Variants in KIF6 observed in about 807,000 individuals in gnomAD.
KIF6 encodes the protein kinesin-like protein KIF6.
Under a neutral mutation model 112.7 loss-of-function variants are expected in KIF6, and 106 were observed. The observed-to-expected ratio is 0.94, with a 90% CI of 0.80 to 1.11. KIF6 has a LOEUF of 1.11. Among genes scored for constraint, KIF6 ranks in the 50% least tolerant of loss-of-function variants. The pLI, the probability that KIF6 is intolerant of heterozygous loss-of-function variation, is 0.00. For missense variants in KIF6, 929 were observed against 964.0 expected, an observed-to-expected ratio of 0.96 and a Z score of 0.48; for synonymous variants, 339 against 339.9, an observed-to-expected ratio of 1.00 and a Z score of 0.03.
At chr6:39,398,846 G>C (rs1354617364) in intron 15 of KIF6, among the ~76,000 whole-genome samples, 2 of 152,186 alleles carry the variant, frequency 1.3e-5, no homozygotes, top group African/African-American at 4.8e-5. Flanking sequence ...AAGCGTATAG[G>C]CTACAGTGCT....
At chr6:39,623,785 A>G (rs1187084535) in intron 5 of KIF6, among the ~76,000 whole-genome samples, 3 of 152,190 alleles carry the variant, frequency 2.0e-5, no homozygotes, top group Non-Finnish European at 4.4e-5. Flanking sequence ...GAAGTTCCAG[A>G]GCAGGGAGAT....
intron 13 of KIF6, among the ~76,000 whole-genome samples, chr6:39,502,857 GACCTACCAAGA>G (rs1279609916): frequency 6.6e-6 from 1 of 152,120 alleles, no homozygotes; most frequent in African/African-American, 2.4e-5. Context: ...AGTTCTTAGA[GACCTACCAAGA>G]GACTTGGGCT....
intron 3 of KIF6, among the ~76,000 whole-genome samples, chr6:39,641,942 G>C (rs1368256546): frequency 6.6e-6 from 1 of 152,050 alleles, no homozygotes; most frequent in Non-Finnish European, 1.5e-5. Context: ...GGTAAGGCTT[G>C]ACCTATATAT....
At chr6:39,384,132 T>C (rs147679104) in intron 16 of KIF6, among the ~76,000 whole-genome samples, 40 of 152,354 alleles carry the variant, frequency 2.6e-4, no homozygotes, top group Middle Eastern at 3.4e-3. Context: ...GCCTTTTATT[T>C]CTTTCTCTGG....
At chr6:39,486,996 A>T (rs900366892) in intron 13 of KIF6, among the ~76,000 whole-genome samples, 22 of 152,224 alleles carry the variant, frequency 1.4e-4, no homozygotes, top group Admixed American at 1.1e-3. Flanking sequence ...CAAAACAATT[A>T]AAAAAATTTC....
intron 13 of KIF6, among the ~76,000 whole-genome samples, chr6:39,529,017 T>C (rs1777897553): frequency 6.6e-6 from 1 of 152,168 alleles, no homozygotes. Context: ...ACCACACATG[T>C]AGACTCAACT....
At chr6:39,582,349 TA>T (rs1186055017) in intron 9 of KIF6, among the ~76,000 whole-genome samples, 1 of 152,194 alleles carries the variant, frequency 6.6e-6, no homozygotes, top group African/African-American at 2.4e-5. Context: ...GCCTTGTTCA[TA>T]GTTCTTTTAC....
intron 15 of KIF6, among the ~76,000 whole-genome samples, chr6:39,418,575 G>C (rs1456118185): frequency 6.6e-6 from 1 of 152,132 alleles, no homozygotes; most frequent in Non-Finnish European, 1.5e-5. Flanking sequence ...GACTTCCACT[G>C]GGTTCATCAT....
Position 39,539,195 on chromosome 6 carries a change from T to C in KIF6, c.1645+808A>G, listed in dbSNP as rs560256443. Among the ~76,000 whole-genome samples the C allele has an allele frequency of 1.8e-4, 27 of 151,202 alleles. 1 individual carries two copies. Among genetic ancestry groups the C allele is most frequent in the African/African-American group, 5.1e-4 (21 of 41,104 alleles). On this transcript the variant is annotated intron_variant, in intron 13 of 22. Transcript: ENST00000287152. ...AACTAACCTGCATATTGTGCACATGTACCCGAAAACTTAAAGTATAATAAT... is the reference window on the plus strand; with the variant it reads ...AACTAACCTGCATATTGTGCACATGCACCCGAAAACTTAAAGTATAATAAT...
At chr6:39,480,688 G>T (rs963180927) in intron 13 of KIF6, among the ~76,000 whole-genome samples, 1 of 152,006 alleles carries the variant, frequency 6.6e-6, no homozygotes, top group African/African-American at 2.4e-5. Flanking sequence ...TCTGGTCCTG[G>T]GCTTTGTTGT....
At chr6:39,628,383 T>C (rs1395009416) in intron 5 of KIF6, among the ~76,000 whole-genome samples, 2 of 152,116 alleles carry the variant, frequency 1.3e-5, no homozygotes, top group Non-Finnish European at 2.9e-5. Context: ...TATGTTCCCT[T>C]GTGTGTGTCT....
intron 3 of KIF6, among the ~76,000 whole-genome samples, chr6:39,671,660 A>G (rs111712895): frequency 0.067 from 10,278 of 152,310 alleles, 412 homozygotes; most frequent in Middle Eastern, 0.11. Flanking sequence ...AAAACTCTGT[A>G]TCTGATGTCC....
rs1472508185 is a variant in KIF6 at position 39,333,560 on chromosome 6, T to C, written c.*2972A>G. 6.6e-6 allele frequency: 1 copy of C among 152,218 alleles called. No homozygotes were observed. Among genetic ancestry groups the C allele is most frequent in the East Asian group, 1.9e-4 (1 of 5,198 alleles). The allele number at this position is 152,218 out of a possible 1,614,324, so 9.4% of individuals were successfully genotyped here. Reference sequence around the variant, plus strand: ...GCAAGCTCAACCATGAGAGCACAATTCAAGCCTCTGCCTGGATCAGGTTTG... The same window carrying C: ...GCAAGCTCAACCATGAGAGCACAATCCAAGCCTCTGCCTGGATCAGGTTTG... On this transcript the variant is annotated 3_prime_UTR_variant, in exon 23 of 23. Transcript: ENST00000287152.
intron 13 of KIF6, among the ~76,000 whole-genome samples, chr6:39,469,320 T>C (rs977625165): frequency 4.6e-5 from 7 of 152,028 alleles, no homozygotes; most frequent in Non-Finnish European, 1.0e-4. Flanking sequence ...TACAACTATA[T>C]AAATACTATC....
In KIF6 at chr6:39,436,468, GT is replaced by G. The variant is rs796615223; in HGVS notation, c.1646-5308del. Among the ~76,000 whole-genome samples, 199 of 147,182 alleles carry G rather than the reference GT, an allele frequency of 1.4e-3. 1 individual carries two copies. The highest frequency in any genetic ancestry group is 4.6e-3 in the African/African-American group (184 of 40,200). ...CAATGTTCAGAAGAGTTTTTCCTAG[GT>G]TTTTTTTTTCTGGAATTTTTATGGC... On this transcript the variant is annotated intron_variant, in intron 13 of 22. Coordinates refer to ENST00000287152, the MANE Select transcript of KIF6 (RefSeq NM_145027.6).
chr6:39,353,915 GC>G (rs1764446817), intron 19 of KIF6: 1 of 564,776 alleles, frequency 1.8e-6, no homozygotes. Context: ...TAAGTGTGAT[GC>G]CCAGACCCAT....
chr6:39,480,939 TTTTCTCTTCTTTTC>T (rs1774757022), intron 13 of KIF6, among the ~76,000 whole-genome samples: 1 of 152,172 alleles, frequency 6.6e-6, no homozygotes, highest in African/African-American at 2.4e-5. Context: ...TATTTGGATA[TTTTCTCTTCTTTTC>T]TTGGTTAATC....
intron 10 of KIF6, among the ~76,000 whole-genome samples, chr6:39,571,930 C>T (rs753820861): frequency 4.2e-4 from 56 of 134,814 alleles, no homozygotes; most frequent in Non-Finnish European, 8.1e-4. Context: ...AGGGTGCCTT[C>T]TTCCTCTTGA....
intron 3 of KIF6, among the ~76,000 whole-genome samples, chr6:39,651,996 T>C (rs1320040447): frequency 6.6e-6 from 1 of 152,078 alleles, no homozygotes; most frequent in Non-Finnish European, 1.5e-5. Flanking sequence ...TATGGAACTA[T>C]GTATGGCCTG....
Sources: gnomAD v4.1 joint callset for allele counts (sites outside exome capture counted in the v4.1 genomes callset) on GRCh38, gnomAD v4.1.1 for gene constraint, MANE v1.5 for transcripts, NCBI Gene and HGNC (gene_info 2026-07-23, HGNC 2026-07-21) for gene names.